Variants in HNRNPK observed in about 807,000 individuals in gnomAD.
The protein encoded by HNRNPK is heterogeneous nuclear ribonucleoprotein K, also known as dC-stretch binding protein.
A neutral mutation model predicts 67.0 loss-of-function variants in HNRNPK; 7 were observed. The observed-to-expected ratio is 0.10, with a 90% CI of 0.06 to 0.20. The LOEUF (loss-of-function observed/expected upper bound fraction) is 0.20, where lower values mean the gene tolerates loss of function less well. Among genes scored for constraint, HNRNPK ranks in the 10% least tolerant of loss-of-function variants. The pLI, the probability that HNRNPK is intolerant of heterozygous loss-of-function variation, is 1.00. For missense variants in HNRNPK, 264 were observed against 606.5 expected (o/e 0.44, Z 5.93); for synonymous variants, 213 against 193.7 (o/e 1.10, Z -0.83).
chr9:83,972,789 A>T, intron 10 of HNRNPK, 55 bp downstream of exon 10: 1 of 1,382,724 alleles, frequency 7.2e-7, no homozygotes, highest in Non-Finnish European at 9.8e-7. Context: ...CTTTTGCAGA[A>T]GGTTATCACT....
intron 9 of HNRNPK, 30 bp downstream of exon 9, chr9:83,973,256 A>G: frequency 7.9e-7 from 1 of 1,270,792 alleles, no homozygotes; most frequent in Non-Finnish European, 1.1e-6. Context: ...CTTTCCAGCA[A>G]AGAATACGGC....
At chr9:83,976,845 A>G (rs2133057119) in intron 5 of HNRNPK, 150 bp downstream of exon 5, 2 of 520,238 alleles carry the variant, frequency 3.8e-6, no homozygotes, top group East Asian at 3.1e-5. Flanking sequence ...ACAGGAATGG[A>G]TAACTTCGAA....
chr9:83,978,859 A>C (rs964753289), intron 1 of HNRNPK, among the ~76,000 whole-genome samples: 4 of 152,244 alleles, frequency 2.6e-5, no homozygotes, highest in Admixed American at 1.3e-4. Flanking sequence ...TCATGCTTGA[A>C]GCGATCTTAT....
chr9:83,977,905 T>G (rs1957143865), intron 3 of HNRNPK, 119 bp from the exon 4 acceptor site: 1 of 661,914 alleles, frequency 1.5e-6, no homozygotes, highest in African/African-American at 1.8e-5. Context: ...AAGGCATTGC[T>G]ACAGACTTGA....
Position 83,969,219 on chromosome 9 carries a change from C to A in HNRNPK, c.*188G>T. On this transcript the variant is annotated 3_prime_UTR_variant, in exon 17 of 17. Coordinates refer to ENST00000376263, the MANE Select transcript of HNRNPK (RefSeq NM_031263.4). ...CTGTTTGTAAGGAACTAAAACATTA[C>A]ATCTGGTGAACAGCAAAGATTTCAC... 1 of 646,644 alleles carries A rather than the reference C, an allele frequency of 1.5e-6. No individual in the cohort carries two copies. The highest frequency in any genetic ancestry group is 2.8e-6 in the Non-Finnish European group (1 of 359,272). 40.1% of individuals were successfully genotyped at this position (646,644 alleles called of 1,614,324 possible).
Position 83,970,029 on chromosome 9 carries a change from T to C in HNRNPK, c.1361+133A>G, listed in dbSNP as rs767728303. 9.0e-5 allele frequency: 63 copies of C among 698,850 alleles called. 1 individual carries two copies. The highest frequency in any genetic ancestry group is 1.1e-4 in the Non-Finnish European group (45 of 411,934). The allele number at this position is 698,850 out of a possible 1,614,324, so 43.3% of individuals were successfully genotyped here. A position where few individuals can be genotyped will look rare whatever the true frequency, so the allele number is the denominator to read the frequency against. ...CAGAAGAAAAATTAAGGCAAACTATTAGAATGTTTAGAAGTTAGGTCCCCA... is the reference window on the plus strand; with the variant it reads ...CAGAAGAAAAATTAAGGCAAACTATCAGAATGTTTAGAAGTTAGGTCCCCA... On this transcript the variant is annotated intron_variant, in intron 16 of 16. Transcript: ENST00000376263.
chr9:83,972,237 T>C (rs1301301078), intron 10 of HNRNPK, 48 bp from the exon 11 acceptor site: 1 of 1,361,380 alleles, frequency 7.3e-7, no homozygotes, highest in Non-Finnish European at 1.0e-6. Flanking sequence ...AAAAGAGTCC[T>C]GCTTCATACC....
Position 83,969,307 on chromosome 9 carries a change from T to TAA in HNRNPK, c.*98_*99dup, listed in dbSNP as rs554180409. 7.3e-5 allele frequency: 46 copies of TAA among 633,126 alleles called. No homozygotes were observed. The highest frequency in any genetic ancestry group is 2.0e-4 in the South Asian group (11 of 54,530). The allele number at this position is 633,126 out of a possible 1,614,324, so 39.2% of individuals were successfully genotyped here. A position where few individuals can be genotyped will look rare whatever the true frequency, so the allele number is the denominator to read the frequency against. ...TGTTGGCTTTTTAAACAGAAGCAGATAAAAAAAAAAAGATGCAGGACTCCT... is the reference window on the plus strand; with the variant it reads ...TGTTGGCTTTTTAAACAGAAGCAGATAAAAAAAAAAAAAGATGCAGGACTCCT... On this transcript the variant is annotated 3_prime_UTR_variant, in exon 17 of 17. Transcript: ENST00000376263.
chr9:83,976,500 TATTC>T (rs1957069888), intron 5 of HNRNPK: 1 of 152,502 alleles, frequency 6.6e-6, no homozygotes, highest in Non-Finnish European at 1.5e-5. Context: ...GTGCCTACTC[TATTC>T]TTTACCCATA....
chr9:83,971,153 CAA>C, intron 13 of HNRNPK, 118 bp downstream of exon 13: 1 of 850,874 alleles, frequency 1.2e-6, no homozygotes, highest in Non-Finnish European at 2.0e-6. Context: ...TTCAGGAAAC[CAA>C]AGTCCTCCTG....
At chr9:83,979,206 TAGA>T (rs1333316096) in intron 1 of HNRNPK, among the ~76,000 whole-genome samples, 2 of 152,156 alleles carry the variant, frequency 1.3e-5, no homozygotes, top group African/African-American at 4.8e-5. Context: ...CGGCCTCTAC[TAGA>T]AGGTTGGCTA....
chr9:83,979,638 C>G (rs953563563), intron 1 of HNRNPK, among the ~76,000 whole-genome samples: 1 of 152,180 alleles, frequency 6.6e-6, no homozygotes, highest in African/African-American at 2.4e-5. Context: ...TGGCGGCCCG[C>G]GTAATGGCGA....
chr9:83,975,685 C>A, intron 5 of HNRNPK, 180 bp from the exon 6 acceptor site: 3 of 667,948 alleles, frequency 4.5e-6, no homozygotes, highest in South Asian at 1.6e-5. Context: ...AGGGGTAAGT[C>A]GATCCAGTAC....
chr9:83,972,261 T>C (rs1956881120), intron 10 of HNRNPK, 72 bp from the exon 11 acceptor site: 1 of 1,132,634 alleles, frequency 8.8e-7, no homozygotes, highest in Non-Finnish European at 1.3e-6. Flanking sequence ...CCTTCTAACA[T>C]CATCATCAAA....
Position 83,969,466 on chromosome 9 carries a change from C to A in HNRNPK, c.1362-26G>T, listed in dbSNP as rs751137069. On this transcript the variant is annotated intron_variant, in intron 16 of 16. Coordinates refer to ENST00000376263, the MANE Select transcript of HNRNPK (RefSeq NM_031263.4). ...CTATAAAAGAAAAGAAAAAAAAGTG[C>A]GAATTAGAATTTTTGCTCGTAACAT... is the stretch of plus-strand genomic sequence containing the variant. 7.3e-6 allele frequency: 11 copies of A among 1,515,744 alleles called. No individual in the cohort carries two copies. The South Asian group carries it at 1.3e-4, about 18-fold the overall frequency. The allele number at this position is 1,515,744 out of a possible 1,614,324, so 93.9% of individuals were successfully genotyped here.
At chr9:83,978,330 G>GAA in intron 2 of HNRNPK, 43 bp downstream of exon 2, 1 of 933,414 alleles carries the variant, frequency 1.1e-6, no homozygotes, top group Non-Finnish European at 1.4e-6. Context: ...AAAGCAAGCT[G>GAA]TAAAAAAAAA....
At chr9:83,976,942 T>G (rs2274915) in intron 5 of HNRNPK, 53 bp downstream of exon 5, 1 of 970,730 alleles carries the variant, frequency 1.0e-6, no homozygotes, top group Non-Finnish European at 1.6e-6. Flanking sequence ...TAAATTTCTA[T>G]AGACATATAA....
intron 16 of HNRNPK, chr9:83,969,693 C>CA: frequency 1.6e-6 from 1 of 609,202 alleles, no homozygotes; most frequent in Admixed American, 2.9e-5. Context: ...GTAGAAAAGA[C>CA]AAAGAATGCT....
chr9:83,969,444 T>C lies in HNRNPK; in HGVS notation c.1362-4A>G. The C allele has an allele frequency of 6.4e-7, 1 of 1,570,196 alleles. No individual in the cohort carries two copies. ...AACATCTGCATACTGCTTCACACTA[T>C]AAAAGAAAAGAAAAAAAAGTGCGAA... On this transcript the variant is annotated splice_polypyrimidine_tract_variant and splice_region_variant and intron_variant, in intron 16 of 16. Coordinates refer to ENST00000376263, the MANE Select transcript of HNRNPK (RefSeq NM_031263.4).
Sources: gnomAD v4.1 joint callset for allele counts (sites outside exome capture counted in the v4.1 genomes callset) on GRCh38, gnomAD v4.1.1 for gene constraint, MANE v1.5 for transcripts, NCBI Gene and HGNC (gene_info 2026-07-23, HGNC 2026-07-21) for gene names.